The following RARB variants were observed in gnomAD, a reference collection of about 807,000 sequenced individuals.
The protein encoded by RARB is retinoic acid receptor beta.
RARB carries 17 observed loss-of-function variants against 51.9 expected under a neutral mutation model. That is an observed-to-expected ratio of 0.33 (90% CI 0.22 to 0.49). The LOEUF is 0.49. Ranked by LOEUF, RARB falls within the 20% of genes least tolerant of loss-of-function variation. The pLI, the probability that RARB is intolerant of heterozygous loss-of-function variation, is 0.99. For missense variants in RARB, 369 were observed against 550.8 expected (o/e 0.67, Z 3.30); for synonymous variants, 215 against 195.4 (o/e 1.10, Z -0.84).
At chr3:24,933,390 AGGTGC>A (rs1477348637) in intron 2 of RARB, among the ~76,000 whole-genome samples, 1 of 152,120 alleles carries the variant, frequency 6.6e-6, no homozygotes, top group Non-Finnish European at 1.5e-5. Context: ...AAATTTCCAT[AGGTGC>A]AGTTTTTGCA....
rs62235570 is a variant in RARB at position 25,337,092 on chromosome 3, C to T, written c.179-124101C>T. ...ATCTCAGCATCAGAATGGGATGCCC[C>T]TGAAAAGTGAGAGATTTGAGGCCAT... On this transcript the variant is annotated intron_variant, in intron 5 of 11. Transcript: ENST00000383772. 1.6e-3 allele frequency among the ~76,000 whole-genome samples: 244 copies of T among 152,176 alleles called. 1 individual carries two copies. Among genetic ancestry groups the T allele is most frequent in the Non-Finnish European group, 2.1e-3 (144 of 68,016 alleles).
At chr3:25,135,718 A>G (rs1700022687) in intron 4 of RARB, among the ~76,000 whole-genome samples, 2 of 151,962 alleles carry the variant, frequency 1.3e-5, no homozygotes, top group Admixed American at 6.6e-5. Context: ...ATTAAGTCAT[A>G]TTTTTTAGAC....
intron 2 of RARB, among the ~76,000 whole-genome samples, chr3:24,881,423 G>C (rs1703163883): frequency 6.6e-6 from 1 of 152,166 alleles, no homozygotes; most frequent in Admixed American, 6.6e-5. Context: ...AGAAAGAATA[G>C]AGAAATTTCT....
intron 4 of RARB, among the ~76,000 whole-genome samples, chr3:25,161,806 C>A (rs1356533591): frequency 6.6e-6 from 1 of 152,122 alleles, no homozygotes; most frequent in Non-Finnish European, 1.5e-5. Context: ...TAGATATTCC[C>A]TGAAGATGAA....
At chr3:25,540,951 C>G (rs972250546) in intron 3 of RARB, among the ~76,000 whole-genome samples, 1 of 129,866 alleles carries the variant, frequency 7.7e-6, no homozygotes, top group African/African-American at 3.1e-5. Flanking sequence ...CCCAACCACT[C>G]TGCAGAGGAA....
intron 3 of RARB, among the ~76,000 whole-genome samples, chr3:25,550,082 ATACTGTCTTATGG>A (rs141053156): frequency 0.041 from 6,277 of 152,310 alleles, 161 homozygotes; most frequent in Non-Finnish European, 0.062. Context: ...TAAAGAGAGA[ATACTGTCTTATGG>A]TACTCAAAAT....
chr3:25,297,402 CTTTTTTTTTTT>C (rs67843073), intron 5 of RARB, among the ~76,000 whole-genome samples: 10 of 63,434 alleles, frequency 1.6e-4, no homozygotes, highest in African/African-American at 6.0e-4. Flanking sequence ...AGAAGGTATT[CTTTTTTTTTTT>C]TTTTTTTTTT....
At chr3:25,135,766 CAG>C (rs1400985110) in intron 4 of RARB, among the ~76,000 whole-genome samples, 1 of 151,720 alleles carries the variant, frequency 6.6e-6, no homozygotes, top group Non-Finnish European at 1.5e-5. Flanking sequence ...TGAAGTAAAA[CAG>C]AAAAAGTAGT....
At chr3:25,244,042 G>T (rs990164406) in intron 5 of RARB, among the ~76,000 whole-genome samples, 11 of 151,986 alleles carry the variant, frequency 7.2e-5, no homozygotes, top group Admixed American at 5.9e-4. Flanking sequence ...GTCTTGGAAA[G>T]GTGTATGTGT....
intron 2 of RARB, among the ~76,000 whole-genome samples, chr3:24,860,806 A>ACCTCTCT (rs1702736218): frequency 1.3e-5 from 2 of 152,176 alleles, no homozygotes; most frequent in Non-Finnish European, 2.9e-5. Flanking sequence ...AGAGAGGTGA[A>ACCTCTCT]GTAACTTATC....
intron 3 of RARB, among the ~76,000 whole-genome samples, chr3:25,125,820 C>T (rs1047417959): frequency 1.3e-5 from 2 of 152,124 alleles, no homozygotes; most frequent in Non-Finnish European, 2.9e-5. Context: ...TGATTAATAA[C>T]CCCTCTGTAC....
intron 1 of RARB, among the ~76,000 whole-genome samples, chr3:24,831,581 G>T (rs1288089708): frequency 6.6e-6 from 1 of 151,742 alleles, no homozygotes; most frequent in African/African-American, 2.4e-5. Flanking sequence ...TAAATGAATA[G>T]CTAAATTGTA....
chr3:25,061,165 T>G lies in RARB; in HGVS notation c.-328+989T>G, dbSNP rs556518452. Among the ~76,000 whole-genome samples the G allele has an allele frequency of 7.2e-5, 11 of 152,040 alleles. No individual in the cohort carries two copies. In the South Asian group the frequency reaches 2.3e-3, roughly 32 times the overall value. On this transcript the variant is annotated intron_variant, in intron 3 of 11. Transcript: ENST00000383772. ...CATTATAGTTTAATTCATAGTGATTTGAAAAGATAGAATACTTTTTAGAGG... is the reference window on the plus strand; with the variant it reads ...CATTATAGTTTAATTCATAGTGATTGGAAAAGATAGAATACTTTTTAGAGG...
intron 2 of RARB, among the ~76,000 whole-genome samples, chr3:25,465,203 A>G (rs139186889): frequency 5.3e-4 from 81 of 152,318 alleles, no homozygotes; most frequent in African/African-American, 1.7e-3. Flanking sequence ...GAAAGTATCT[A>G]TTATCTCCCT....
intron 2 of RARB, among the ~76,000 whole-genome samples, chr3:24,931,552 A>T (rs4368469): frequency 1.3e-5 from 2 of 151,758 alleles, no homozygotes; most frequent in Non-Finnish European, 1.5e-5. Flanking sequence ...GTCACCTGGT[A>T]AAGTCTACAG....
Position 25,149,375 on chromosome 3 carries a change from C to A in RARB, c.-280+17167C>A, listed in dbSNP as rs191123566. Among the ~76,000 whole-genome samples, 476 of 152,248 alleles carry A rather than the reference C, an allele frequency of 3.1e-3. 4 individuals are homozygous for A. Among genetic ancestry groups the A allele is most frequent in the Non-Finnish European group, 5.1e-3 (348 of 68,024 alleles). On this transcript the variant is annotated intron_variant, in intron 4 of 11. Coordinates refer to the RARB transcript ENST00000383772. ...GTAATATATTTATGTAAATGTACAA[C>A]CTGTGGAATAATATTTGGTATATAA... is the stretch of plus-strand genomic sequence containing the variant.
chr3:25,289,140 C>G (rs566465966), intron 5 of RARB, among the ~76,000 whole-genome samples: 2 of 152,346 alleles, frequency 1.3e-5, no homozygotes, highest in South Asian at 4.1e-4. Context: ...GAGCCAACTT[C>G]AATTTCAAAT....
chr3:25,055,871 A>C (rs1337879283), intron 2 of RARB, among the ~76,000 whole-genome samples: 5 of 152,074 alleles, frequency 3.3e-5, no homozygotes, highest in Non-Finnish European at 7.4e-5. Flanking sequence ...TGGGAGTGAA[A>C]GTACATGGGG....
At chr3:25,464,823 G>T (rs1695350933) in intron 2 of RARB, among the ~76,000 whole-genome samples, 1 of 152,020 alleles carries the variant, frequency 6.6e-6, no homozygotes, top group Admixed American at 6.6e-5. Context: ...TATTGTTTCA[G>T]AAAAATGGAA....
Sources: gnomAD v4.1 joint callset for allele counts (sites outside exome capture counted in the v4.1 genomes callset) on GRCh38, gnomAD v4.1.1 for gene constraint, MANE v1.5 for transcripts, NCBI Gene and HGNC (gene_info 2026-07-23, HGNC 2026-07-21) for gene names.